Variants in S100A7A observed in about 807,000 individuals in gnomAD.
S100A7A encodes S100 calcium binding protein A7A, also known as protein S100-A7A.
In S100A7A, 5 loss-of-function variants were observed where a neutral mutation model predicts 4.0. The observed-to-expected ratio is 1.26, with a 90% CI of 0.66 to 2.66. The LOEUF (loss-of-function observed/expected upper bound fraction) is 2.66, where lower values mean the gene tolerates loss of function less well. S100A7A is among the 30% of genes most tolerant of loss of function. The probability of loss-of-function intolerance (pLI) is 0.01; values close to 1 mark genes in which losing one functional copy is unlikely to be tolerated. For missense variants in S100A7A, 159 were observed against 125.1 expected (o/e 1.27, Z -1.29); for synonymous variants, 52 against 46.4 (o/e 1.12, Z -0.49).
chr1:153,418,005 C>T lies in S100A7A; in HGVS notation c.-17-61C>T, dbSNP rs376390181. ...TCTGTCCTCAGCCCTCCTTCTAACA[C>T]CCCCACATAGAGACCTTAATTCAAA... On this transcript the variant is annotated intron_variant, in intron 1 of 2. Transcript: ENST00000368729. 8 of 1,589,382 alleles carry T rather than the reference C, an allele frequency of 5.0e-6. No homozygotes were observed. The African/African-American group carries it at 8.1e-5, about 16-fold the overall frequency.
intron 1 of S100A7A, among the ~76,000 whole-genome samples, chr1:153,417,783 C>G (rs189085230): frequency 6.1e-4 from 93 of 152,272 alleles, no homozygotes; most frequent in East Asian, 3.3e-3. Context: ...TGTTGCTGGC[C>G]TCCGACTCTC....
intron 1 of S100A7A, 195 bp from the exon 2 acceptor site, chr1:153,417,871 G>C (rs1662767900): frequency 1.6e-6 from 1 of 614,264 alleles, no homozygotes; most frequent in Admixed American, 3.2e-5. Flanking sequence ...GCCCTGGCCA[G>C]GATGGGCCGG....
At chr1:153,419,059 T>A in intron 2 of S100A7A, 86 bp from the exon 3 acceptor site, 1 of 1,422,634 alleles carries the variant, frequency 7.0e-7, no homozygotes, top group South Asian at 1.3e-5. Context: ...GGTACTTGTC[T>A]GTATCTCTGC....
chr1:153,417,477 T>G (rs1662754715), intron 1 of S100A7A, among the ~76,000 whole-genome samples: 1 of 152,212 alleles, frequency 6.6e-6, no homozygotes, highest in South Asian at 2.1e-4. Context: ...GGGCCCCCTG[T>G]CCTCGGGAGA....
rs1175414139 is a variant in S100A7A at position 153,422,477 on chromosome 1, TA to T, written c.*3171del. The T allele has an allele frequency of 3.1e-6, 3 of 977,040 alleles. No homozygotes were observed. The highest frequency in any genetic ancestry group is 3.6e-6 in the Non-Finnish European group (3 of 822,406). 60.5% of individuals were successfully genotyped at this position (977,040 alleles called of 1,614,324 possible). ...TAGCTACTGGACATTATATTGGTAC[TA>T]AAGAGAAAGAATACTTGACAGCTCT... On this transcript the variant is annotated 3_prime_UTR_variant, in exon 3 of 3. Coordinates refer to ENST00000368729, the MANE Select transcript of S100A7A (RefSeq NM_176823.4).
Position 153,419,360 on chromosome 1 carries a change from C to G in S100A7A, c.*51C>G. The G allele has an allele frequency of 6.5e-7, 1 of 1,542,252 alleles. No individual in the cohort carries two copies. The highest frequency in any genetic ancestry group is 8.8e-7 in the Non-Finnish European group (1 of 1,134,276). On this transcript the variant is annotated 3_prime_UTR_variant, in exon 3 of 3. Transcript: ENST00000368729. ...AGACCCCAGGAACAATAAGTGTCTC[C>G]TCCCACCAGACACTTGCCTTATTTC...
At position 153,419,363 on chromosome 1, in the gene S100A7A, C is replaced by G; in HGVS notation, c.*54C>G. 6.6e-7 allele frequency: 1 copy of G among 1,522,640 alleles called. No individual in the cohort carries two copies. Among genetic ancestry groups the G allele is most frequent in the Non-Finnish European group, 8.9e-7 (1 of 1,119,742 alleles). The allele number at this position is 1,522,640 out of a possible 1,614,324, so 94.3% of individuals were successfully genotyped here. ...CCCCAGGAACAATAAGTGTCTCCTCCCACCAGACACTTGCCTTATTTCTTC... is the reference window on the plus strand; with the variant it reads ...CCCCAGGAACAATAAGTGTCTCCTCGCACCAGACACTTGCCTTATTTCTTC... On this transcript the variant is annotated 3_prime_UTR_variant, in exon 3 of 3. Transcript: ENST00000368729.
At position 153,416,634 on chromosome 1, in the gene S100A7A, A is replaced by G. The variant is rs140431852; in HGVS notation, c.-18+71A>G. On this transcript the variant is annotated intron_variant, in intron 1 of 2. Transcript: ENST00000368729. ...CCAGCCTGCCATGCTGCCTGTAGGA[A>G]GGGAAAGGGCTGTGGACAAAGTCTC... The G allele has an allele frequency of 2.5e-3, 1,050 of 414,948 alleles. 8 individuals are homozygous for G. Among genetic ancestry groups the G allele is most frequent in the African/African-American group, 0.02 (963 of 48,386 alleles). 25.7% of individuals were successfully genotyped at this position (414,948 alleles called of 1,614,324 possible).
In S100A7A at chr1:153,416,531, T is replaced by G. The variant is rs1662722257; in HGVS notation, c.-50T>G. The G allele has an allele frequency of 2.0e-6, 1 of 492,384 alleles. No homozygotes were observed. The highest frequency in any genetic ancestry group is 4.0e-6 in the Non-Finnish European group (1 of 247,574). The allele number at this position is 492,384 out of a possible 1,614,324, so 30.5% of individuals were successfully genotyped here. ...CTTTGTCCAAACACACACATCTCACTCATCCTTCTACTCGTGACACTTCCC... is the reference window on the plus strand; with the variant it reads ...CTTTGTCCAAACACACACATCTCACGCATCCTTCTACTCGTGACACTTCCC... On this transcript the variant is annotated 5_prime_UTR_variant, in exon 1 of 3. Coordinates refer to ENST00000368729, the MANE Select transcript of S100A7A (RefSeq NM_176823.4).
rs147923063 is a variant in S100A7A, at chr1:153,418,124, C to G, written c.42C>G (p.Ile14Met). The G allele has an allele frequency of 1.9e-6, 3 of 1,614,062 alleles. No homozygotes were observed. The highest frequency in any genetic ancestry group is 1.1e-5 in the South Asian group (1 of 91,070). Residue 14 changes from isoleucine to methionine, a missense_variant, in exon 2 of 3, where the codon ATC (isoleucine) becomes ATG (methionine). By Grantham distance (10) the Ile-to-Met change is conservative. Transcript: ENST00000368729. ...CTGAGAGGTCCATAATAGGCATGAT[C>G]GACATGTTTCACAAATACACCGGAC... ...TQAERSIIGMIDMFHKYTGRD... is the reference protein window; with the variant it reads ...TQAERSIIGMMDMFHKYTGRD...
intron 2 of S100A7A, among the ~76,000 whole-genome samples, chr1:153,418,649 G>A (rs1173062991): frequency 2.0e-5 from 3 of 152,122 alleles, no homozygotes; most frequent in Non-Finnish European, 4.4e-5. Flanking sequence ...AAAACTCATT[G>A]GCAAATCTGA....
At chr1:153,417,726 G>A (rs61803119) in intron 1 of S100A7A, among the ~76,000 whole-genome samples, 4 of 152,192 alleles carry the variant, frequency 2.6e-5, no homozygotes, top group African/African-American at 7.2e-5. Flanking sequence ...AGTGGGGTCC[G>A]CCATGTGCTG....
chr1:153,422,506 G>T lies in S100A7A; in HGVS notation c.*3197G>T, dbSNP rs140613795. 3.3e-4 allele frequency: 321 copies of T among 984,834 alleles called. 2 individuals are homozygous for T. The African/African-American group carries it at 5.2e-3, about 16-fold the overall frequency. 61.0% of individuals were successfully genotyped at this position (984,834 alleles called of 1,614,324 possible). ...GAGAAAGAATACTTGACAGCTCTAT[G>T]CCCACACTCACATTACAGCTGATGT... On this transcript the variant is annotated 3_prime_UTR_variant, in exon 3 of 3. Transcript: ENST00000368729.
In S100A7A at chr1:153,418,013, T is replaced by G; in HGVS notation, c.-17-53T>G. 1.9e-6 allele frequency: 3 copies of G among 1,600,500 alleles called. No homozygotes were observed. The Admixed American group carries it at 5.1e-5, about 27-fold the overall frequency. ...CAGCCCTCCTTCTAACACCCCCACA[T>G]AGAGACCTTAATTCAAACTAAGGTA... On this transcript the variant is annotated intron_variant, in intron 1 of 2. Transcript: ENST00000368729.
In S100A7A at chr1:153,420,069, G is replaced by T. The variant is rs767749839; in HGVS notation, c.*760G>T. 1 of 152,246 alleles carries T rather than the reference G, an allele frequency of 6.6e-6. No homozygotes were observed. The highest frequency in any genetic ancestry group is 2.4e-5 in the African/African-American group (1 of 41,440). The allele number at this position is 152,246 out of a possible 1,614,324, so 9.4% of individuals were successfully genotyped here. On this transcript the variant is annotated 3_prime_UTR_variant, in exon 3 of 3. Transcript: ENST00000368729. ...TTCCAGATTTTGAGGAGCTCTAAGTGGTCCAGGAGTCCAAGTAAGCAGTCT... is the reference window on the plus strand; with the variant it reads ...TTCCAGATTTTGAGGAGCTCTAAGTTGTCCAGGAGTCCAAGTAAGCAGTCT...
In S100A7A at chr1:153,419,223, G is replaced by C; in HGVS notation, c.220G>C (p.Glu74Gln). 6.2e-7 allele frequency: 1 copy of C among 1,614,196 alleles called. No individual in the cohort carries two copies. Among genetic ancestry groups the C allele is most frequent in the Non-Finnish European group, 8.5e-7 (1 of 1,180,042 alleles). ...TGAGGATAAGAAGATTGATTTTTCTGAGTTTCTGTCCTTGCTGGGAGACAT... is the reference window on the plus strand; with the variant it reads ...TGAGGATAAGAAGATTGATTTTTCTCAGTTTCTGTCCTTGCTGGGAGACAT... ...KNEDKKIDFSEFLSLLGDIAA... is the reference protein window; with the variant it reads ...KNEDKKIDFSQFLSLLGDIAA... The change falls in exon 3 of 3, where the codon GAG becomes CAG. Residue 74 changes from glutamate (E) to glutamine (Q), a missense_variant. By Grantham distance (29) the Glu-to-Gln change is conservative. Coordinates refer to ENST00000368729, the MANE Select transcript of S100A7A (RefSeq NM_176823.4).
Position 153,419,980 on chromosome 1 carries a change from G to A in S100A7A, c.*671G>A, listed in dbSNP as rs546622273. 1 of 152,678 alleles carries A rather than the reference G, an allele frequency of 6.5e-6. No individual in the cohort carries two copies. The allele number at this position is 152,678 out of a possible 1,614,324, so 9.5% of individuals were successfully genotyped here. ...GGAAGTGAGAAGGAGTCACTGTGATGCTTAGCTGTCCTAAATGATGGTTTG... is the reference window on the plus strand; with the variant it reads ...GGAAGTGAGAAGGAGTCACTGTGATACTTAGCTGTCCTAAATGATGGTTTG... On this transcript the variant is annotated 3_prime_UTR_variant, in exon 3 of 3. Coordinates refer to ENST00000368729, the MANE Select transcript of S100A7A (RefSeq NM_176823.4).
rs1257261222 is a variant in S100A7A at position 153,418,049 on chromosome 1, G to C, written c.-17-17G>C. On this transcript the variant is annotated splice_polypyrimidine_tract_variant and intron_variant, in intron 1 of 2. Transcript: ENST00000368729. ...ATTCAAACTAAGGTAAGAAATGATT[G>C]TCTTTATTTCCTGAAGGCTTTTTGA... 2 of 1,612,388 alleles carry C rather than the reference G, an allele frequency of 1.2e-6. No homozygotes were observed. The highest frequency in any genetic ancestry group is 1.3e-5 in the African/African-American group (1 of 74,988).
intron 2 of S100A7A, 33 bp from the exon 3 acceptor site, chr1:153,419,112 A>T: frequency 1.2e-6 from 2 of 1,606,996 alleles, no homozygotes; most frequent in South Asian, 2.2e-5. Context: ...TTGTGATTGA[A>T]TTTTTCTATT....
Sources: allele counts gnomAD v4.1 joint callset (sites outside exome capture counted in the v4.1 genomes callset), GRCh38; gene constraint gnomAD v4.1.1; transcripts MANE v1.5; gene names NCBI Gene and HGNC (gene_info 2026-07-23, HGNC 2026-07-21).